RCBTB1: variants seen among roughly 807,000 people sequenced by gnomAD.
RCBTB1 encodes RCC1 and BTB domain-containing protein 1.
In RCBTB1, 46 loss-of-function variants were observed where a neutral mutation model predicts 62.4. That is an observed-to-expected ratio of 0.74 (90% CI 0.58 to 0.94). The LOEUF is 0.94. RCBTB1 is among the 40% of genes least tolerant of loss of function. The pLI is 0.00. For synonymous variants in RCBTB1, 222 were observed against 245.8 expected (o/e 0.90, Z 0.91); for missense variants, 565 against 654.9 (o/e 0.86, Z 1.50).
At chr13:49,540,775 G>T in intron 12 of RCBTB1, 101 bp downstream of exon 12, 6 of 1,278,994 alleles carry the variant, frequency 4.7e-6, no homozygotes, top group South Asian at 4.4e-5. Flanking sequence ...CTAAACAGAA[G>T]TGGAGTGACT....
chr13:49,569,441 G>A (rs1192827561), intron 2 of RCBTB1, among the ~76,000 whole-genome samples: 9 of 148,688 alleles, frequency 6.1e-5, no homozygotes, highest in Non-Finnish European at 1.3e-4. Flanking sequence ...GCCAGGCACG[G>A]TAGCTCACTC....
intron 6 of RCBTB1, among the ~76,000 whole-genome samples, chr13:49,553,506 TGAGAG>T (rs1961568540): frequency 6.6e-6 from 1 of 151,286 alleles, no homozygotes; most frequent in Admixed American, 6.6e-5. Context: ...GGATATAGAG[TGAGAG>T]GAGGCCCATC....
chr13:49,585,027 G>A (rs759647714), intron 1 of RCBTB1, among the ~76,000 whole-genome samples: 1 of 152,312 alleles, frequency 6.6e-6, no homozygotes, highest in Admixed American at 6.5e-5. Flanking sequence ...CTACTCTCAG[G>A]AGACGAAGGA....
intron 5 of RCBTB1, among the ~76,000 whole-genome samples, chr13:49,556,962 G>A (rs1188171020): frequency 6.6e-6 from 1 of 152,128 alleles, no homozygotes; most frequent in Non-Finnish European, 1.5e-5. Flanking sequence ...CAGTGCTGCT[G>A]ACTCTTGTTT....
At chr13:49,565,592 A>C in intron 4 of RCBTB1, among the ~76,000 whole-genome samples, 1 of 79,542 alleles carries the variant, frequency 1.3e-5, no homozygotes, top group Non-Finnish European at 2.3e-5. Context: ...CCGGCCGCCC[A>C]TCGTCTGGGA....
chr13:49,583,850 ATGTAACATTTTTAACT>A (rs1964244699), intron 1 of RCBTB1, among the ~76,000 whole-genome samples: 1 of 152,118 alleles, frequency 6.6e-6, no homozygotes, highest in Non-Finnish European at 1.5e-5. Context: ...CCTGGCCAAT[ATGTAACATTTTTAACT>A]TTTTGTAAAA....
intron 10 of RCBTB1, among the ~76,000 whole-genome samples, chr13:49,542,029 AC>A (rs1960406468): frequency 1.3e-5 from 2 of 152,282 alleles, no homozygotes; most frequent in South Asian, 4.2e-4. Context: ...AGCCTGACCA[AC>A]ATGGATAAAC....
chr13:49,574,629 G>T (rs552429062), intron 2 of RCBTB1, among the ~76,000 whole-genome samples: 18 of 151,288 alleles, frequency 1.2e-4, no homozygotes, highest in African/African-American at 4.1e-4. Context: ...ATTAAATGTA[G>T]ATGGTAGAAA....
chr13:49,581,677 C>G (rs1206028347), intron 1 of RCBTB1, among the ~76,000 whole-genome samples: 2 of 152,040 alleles, frequency 1.3e-5, no homozygotes, highest in Admixed American at 1.3e-4. Flanking sequence ...GGAGTACCCC[C>G]TAGAAGGGAC....
intron 9 of RCBTB1, chr13:49,546,481 C>T (rs1960795057): frequency 4.4e-6 from 1 of 227,808 alleles, no homozygotes; most frequent in Admixed American, 6.5e-5. Context: ...GGGGATGATT[C>T]AAGCACATTA....
At chr13:49,551,508 A>T in intron 7 of RCBTB1, 40 bp from the exon 8 acceptor site, 1 of 1,610,188 alleles carries the variant, frequency 6.2e-7, no homozygotes, top group Non-Finnish European at 8.5e-7. Flanking sequence ...GCAGGAAAAC[A>T]GGAAGGGCAG....
At chr13:49,534,851 T>G (rs868645954) in intron 12 of RCBTB1, among the ~76,000 whole-genome samples, 1 of 151,940 alleles carries the variant, frequency 6.6e-6, no homozygotes, top group African/African-American at 2.4e-5. Context: ...CTGGCCAACA[T>G]AGGGAAACCC....
Position 49,565,802 on chromosome 13 carries a change from G to A in RCBTB1, c.277+816C>T, listed in dbSNP as rs1962939893. On this transcript the variant is annotated intron_variant, in intron 4 of 12. Coordinates refer to ENST00000378302, the MANE Select transcript of RCBTB1 (RefSeq NM_018191.4). ...ATTGAGAACAGGCCATGATGACGAT[G>A]GCGGTTTCGTCGAATAGAAAAGGGG... is the stretch of plus-strand genomic sequence containing the variant. Among the ~76,000 whole-genome samples, 6 of 152,252 alleles carry A rather than the reference G, an allele frequency of 3.9e-5. No individual in the cohort carries two copies. The South Asian group carries it at 1.2e-3, about 32-fold the overall frequency.
chr13:49,557,683 G>T (rs1962046355), intron 5 of RCBTB1, among the ~76,000 whole-genome samples: 1 of 152,108 alleles, frequency 6.6e-6, no homozygotes, highest in Admixed American at 6.5e-5. Flanking sequence ...ATTTTGGGAG[G>T]CTGAGACAGG....
At chr13:49,564,986 T>C (rs1200398848) in intron 4 of RCBTB1, among the ~76,000 whole-genome samples, 2 of 149,608 alleles carry the variant, frequency 1.3e-5, no homozygotes, top group Admixed American at 1.3e-4. Context: ...AGGAATAGGA[T>C]TGCAGCTGTC....
intron 7 of RCBTB1, among the ~76,000 whole-genome samples, chr13:49,551,899 CA>C (rs5803471): frequency 0.49 from 49,192 of 99,592 alleles, 9,484 homozygotes; most frequent in Admixed American, 0.58. Context: ...GACTCCGTCT[CA>C]AAAAAAAAAA....
At chr13:49,553,676 C>T (rs528111919) in intron 6 of RCBTB1, among the ~76,000 whole-genome samples, 3 of 152,112 alleles carry the variant, frequency 2.0e-5, no homozygotes, top group Non-Finnish European at 2.9e-5. Flanking sequence ...CAATGTAGGG[C>T]GGCAGACATA....
intron 12 of RCBTB1, among the ~76,000 whole-genome samples, chr13:49,536,650 C>A (rs934210843): frequency 1.3e-5 from 2 of 152,178 alleles, no homozygotes; most frequent in Admixed American, 1.3e-4. Context: ...AGGAGATGAA[C>A]AAAGTTCCCG....
chr13:49,563,979 A>T (rs969749080), intron 4 of RCBTB1, among the ~76,000 whole-genome samples: 5 of 152,240 alleles, frequency 3.3e-5, no homozygotes, highest in African/African-American at 1.2e-4. Context: ...ATCCAACAAA[A>T]AGCTGAGGAC....
Sources: allele counts gnomAD v4.1 joint callset (sites outside exome capture counted in the v4.1 genomes callset), GRCh38; gene constraint gnomAD v4.1.1; transcripts MANE v1.5; gene names NCBI Gene and HGNC (gene_info 2026-07-23, HGNC 2026-07-21).